CTIF: variants seen among roughly 807,000 people sequenced by gnomAD.
The protein encoded by CTIF is CBP80/20-dependent translation initiation factor.
A neutral mutation model predicts 66.0 loss-of-function variants in CTIF; 21 were observed. The ratio of observed to expected loss-of-function variants is 0.32; its 90% CI spans 0.23 to 0.46. The LOEUF (loss-of-function observed/expected upper bound fraction) is 0.46, where lower values mean the gene tolerates loss of function less well. Ranked by LOEUF, CTIF falls within the 20% of genes least tolerant of loss-of-function variation. CTIF has a pLI of 1.00. For synonymous variants in CTIF, 345 were observed against 326.4 expected (o/e 1.06, Z -0.62); for missense variants, 739 against 812.7 (o/e 0.91, Z 1.10).
At chr18:48,624,208 C>T (rs1185543702) in intron 2 of CTIF, among the ~76,000 whole-genome samples, 4 of 150,430 alleles carry the variant, frequency 2.7e-5, no homozygotes, top group African/African-American at 9.8e-5. Flanking sequence ...GTTTCAGGAG[C>T]ACCTGCTGTC....
chr18:48,648,299 A>G (rs2091088361), intron 3 of CTIF, among the ~76,000 whole-genome samples: 1 of 152,068 alleles, frequency 6.6e-6, no homozygotes, highest in South Asian at 2.1e-4. Flanking sequence ...ACAGACACAG[A>G]TGTCCCAGCA....
At chr18:48,572,976 G>C (rs573877752) in intron 1 of CTIF, among the ~76,000 whole-genome samples, 21 of 152,150 alleles carry the variant, frequency 1.4e-4, no homozygotes, top group African/African-American at 5.1e-4. Context: ...CTGGGCAAAA[G>C]AGCAAGACCC....
chr18:48,753,757 G>A (rs137862547), intron 7 of CTIF, among the ~76,000 whole-genome samples: 18 of 152,262 alleles, frequency 1.2e-4, no homozygotes, highest in African/African-American at 4.3e-4. Context: ...TACTTGCAGG[G>A]CTGCAAAACT....
chr18:48,550,301 G>C (rs150266605), intron 1 of CTIF, among the ~76,000 whole-genome samples: 30 of 152,368 alleles, frequency 2.0e-4, no homozygotes, highest in African/African-American at 7.2e-4. Flanking sequence ...GAGGGCCTGA[G>C]GCTCCAGTGG....
chr18:48,553,968 C>G (rs991937009), intron 1 of CTIF, among the ~76,000 whole-genome samples: 11 of 152,234 alleles, frequency 7.2e-5, no homozygotes, highest in African/African-American at 2.4e-4. Context: ...TGATTCTCTG[C>G]GGCCCACTCA....
chr18:48,632,803 C>A (rs1429746589), intron 2 of CTIF, among the ~76,000 whole-genome samples: 3 of 152,164 alleles, frequency 2.0e-5, no homozygotes, highest in Non-Finnish European at 4.4e-5. Context: ...CCACCCCCCT[C>A]TCATTGCTGT....
At chr18:48,747,327 C>T (rs1302365737) in intron 7 of CTIF, among the ~76,000 whole-genome samples, 3 of 152,252 alleles carry the variant, frequency 2.0e-5, no homozygotes, top group African/African-American at 7.2e-5. Flanking sequence ...CCCCAGCAAG[C>T]TCCCCAGTAG....
intron 6 of CTIF, among the ~76,000 whole-genome samples, chr18:48,694,075 G>A (rs1221611217): frequency 6.6e-6 from 1 of 152,210 alleles, no homozygotes; most frequent in African/African-American, 2.4e-5. Context: ...ATAAGTCCTG[G>A]TTGGCTTCCC....
At chr18:48,565,477 C>T (rs774518677) in intron 1 of CTIF, 3 of 152,128 alleles carry the variant, frequency 2.0e-5, no homozygotes, top group Admixed American at 6.5e-5. Flanking sequence ...CAAAGATCCC[C>T]CGAGAGACTG....
chr18:48,584,703 A>G (rs965002602), intron 1 of CTIF, among the ~76,000 whole-genome samples: 1 of 152,144 alleles, frequency 6.6e-6, no homozygotes, highest in African/African-American at 2.4e-5. Context: ...TCTGCCCACC[A>G]TGCTGAACCC....
At chr18:48,672,315 G>C (rs1444262549) in intron 6 of CTIF, among the ~76,000 whole-genome samples, 1 of 152,064 alleles carries the variant, frequency 6.6e-6, no homozygotes, top group Non-Finnish European at 1.5e-5. Flanking sequence ...AGCTGGCCTA[G>C]CTATTAGCAT....
At chr18:48,856,414 T>C (rs1409222960) in intron 10 of CTIF, among the ~76,000 whole-genome samples, 1 of 152,140 alleles carries the variant, frequency 6.6e-6, no homozygotes, top group Admixed American at 6.5e-5. Flanking sequence ...CTATGTAATA[T>C]CCAGGAGAAT....
chr18:48,561,552 TG>T (rs1568033198), intron 1 of CTIF, among the ~76,000 whole-genome samples: 1 of 152,132 alleles, frequency 6.6e-6, no homozygotes, highest in Non-Finnish European at 1.5e-5. Flanking sequence ...TGCTGGCTGC[TG>T]GGGGCTGCAG....
chr18:48,819,689 C>T, intron 10 of CTIF, among the ~76,000 whole-genome samples: 1 of 152,242 alleles, frequency 6.6e-6, no homozygotes, highest in Non-Finnish European at 1.5e-5. Context: ...CCATCCAATG[C>T]TCATGGTAAA....
At chr18:48,576,700 G>A (rs909149577) in intron 1 of CTIF, among the ~76,000 whole-genome samples, 2 of 152,212 alleles carry the variant, frequency 1.3e-5, no homozygotes, top group African/African-American at 4.8e-5. Context: ...CAGGATTTGA[G>A]TATGACACTA....
intron 10 of CTIF, among the ~76,000 whole-genome samples, chr18:48,840,718 A>G (rs1326661325): frequency 6.6e-6 from 1 of 152,016 alleles, no homozygotes; most frequent in Admixed American, 6.6e-5. Context: ...CTGAACAGTA[A>G]CAGAGCTTAA....
intron 1 of CTIF, among the ~76,000 whole-genome samples, chr18:48,586,564 C>T (rs1234549705): frequency 1.3e-5 from 2 of 152,198 alleles, no homozygotes; most frequent in African/African-American, 4.8e-5. Context: ...AGCCACCACG[C>T]CCGGCCTTAA....
chr18:48,605,642 C>G (rs1019239053), intron 1 of CTIF, among the ~76,000 whole-genome samples: 2 of 152,208 alleles, frequency 1.3e-5, no homozygotes, highest in African/African-American at 4.8e-5. Flanking sequence ...GGAGCTGCCC[C>G]CTGTGGGCTC....
intron 2 of CTIF, among the ~76,000 whole-genome samples, chr18:48,633,944 A>G (rs894692732): frequency 1.3e-5 from 2 of 152,158 alleles, no homozygotes; most frequent in African/African-American, 4.8e-5. Context: ...GGAAATTAAC[A>G]TTGGTACAAT....
Sources: allele counts gnomAD v4.1 joint callset (sites outside exome capture counted in the v4.1 genomes callset), GRCh38; gene constraint gnomAD v4.1.1; transcripts MANE v1.5; gene names NCBI Gene and HGNC (gene_info 2026-07-23, HGNC 2026-07-21).